The following CDK20 variants were observed in gnomAD, a reference collection of about 807,000 sequenced individuals.
CDK20 encodes cyclin dependent kinase 20, also known as cyclin-dependent kinase 20.
CDK20 carries 40 observed loss-of-function variants against 38.6 expected under a neutral mutation model. The ratio of observed to expected loss-of-function variants is 1.04; its 90% CI spans 0.81 to 1.35. The LOEUF is 1.35. CDK20 is among the 40% of genes most tolerant of loss of function. The pLI, the probability that CDK20 is intolerant of heterozygous loss-of-function variation, is 0.00. For synonymous variants in CDK20, 209 were observed against 185.7 expected (o/e 1.13, Z -1.02); for missense variants, 512 against 452.6 (o/e 1.13, Z -1.19).
chr9:87,973,799 G>T, intron 2 of CDK20, 123 bp downstream of exon 2: 1 of 1,002,058 alleles, frequency 1.0e-6, no homozygotes, highest in Non-Finnish European at 1.5e-6. Flanking sequence ...AGCAGTGTGT[G>T]TGAGTGACAG....
chr9:87,973,868 A>C, intron 2 of CDK20, 54 bp downstream of exon 2: 1 of 1,561,736 alleles, frequency 6.4e-7, no homozygotes, highest in Non-Finnish European at 8.7e-7. Context: ...GGCACAAAGA[A>C]GTGGGAACGA....
chr9:87,970,644 G>A lies in CDK20; in HGVS notation c.501-14C>T. On this transcript the variant is annotated splice_polypyrimidine_tract_variant and intron_variant, in intron 4 of 7. Transcript: ENST00000325303. ...GCTCGGTACCACCTGCGAGGAAGAG[G>A]GCTGGCAGGCACTGGGCTGAGAAAA... The A allele has an allele frequency of 6.2e-7, 1 of 1,614,014 alleles. No homozygotes were observed. The highest frequency in any genetic ancestry group is 8.5e-7 in the Non-Finnish European group (1 of 1,179,972).
At chr9:87,974,340 C>T in intron 1 of CDK20, 32 bp downstream of exon 1, 2 of 1,605,524 alleles carry the variant, frequency 1.2e-6, no homozygotes, top group Non-Finnish European at 1.7e-6. Context: ...GGGCACACCC[C>T]CGCCAGGCTG....
chr9:87,973,112 A>T (rs1171175849), intron 2 of CDK20, among the ~76,000 whole-genome samples: 1 of 152,348 alleles, frequency 6.6e-6, no homozygotes, highest in East Asian at 1.9e-4. Context: ...TTTGTCATCC[A>T]ATATATCATG....
chr9:87,973,993 A>C lies in CDK20; in HGVS notation c.118T>G (p.Leu40Val). 1.2e-6 allele frequency: 2 copies of C among 1,614,152 alleles called. No homozygotes were observed. Among genetic ancestry groups the C allele is most frequent in the Middle Eastern group, 1.6e-4 (1 of 6,062 alleles). ...GCCTGGTTAGGGAAGCCGTCCTCCA[A>C]CCGCCTTAGGGCCACCTTCTTGAGG... ...VALKKVALRRLEDGFPNQALR... is the reference protein window; with the variant it reads ...VALKKVALRRVEDGFPNQALR... Residue 40 changes from leucine (L) to valine (V), a missense_variant, in exon 2 of 8, where the codon TTG (leucine) becomes GTG (valine). Leu to Val is a conservative substitution (Grantham distance 32). Transcript: ENST00000325303.
At chr9:87,969,747 A>C in intron 6 of CDK20, 49 bp downstream of exon 6, 1 of 1,611,470 alleles carries the variant, frequency 6.2e-7, no homozygotes, top group Non-Finnish European at 8.5e-7. Context: ...TGCTGTTGGG[A>C]GTGGAGTAAA....
chr9:87,969,325 T>G lies in CDK20; in HGVS notation c.712A>C (p.Asn238His). ...WPELTELPDY[N>H]KISFKEQVPM... ...ACCTGCTCCTTAAAGGAGATCTTGT[T>G]GTAGTCCGGCAGCTCAGTGAGCTCC... The change falls in exon 7 of 8, where the codon AAC becomes CAC. Residue 238 changes from asparagine (N) to histidine (H), a missense_variant. By Grantham distance (68) the Asn-to-His change is moderately conservative. Coordinates refer to ENST00000325303, the MANE Select transcript of CDK20 (RefSeq NM_001039803.3). The G allele has an allele frequency of 1.2e-6, 2 of 1,613,956 alleles. No individual in the cohort carries two copies. The highest frequency in any genetic ancestry group is 1.1e-5 in the South Asian group (1 of 91,076).
At position 87,974,506 on chromosome 9, in the gene CDK20, T is replaced by A; in HGVS notation, c.-60A>T. 3 of 1,455,462 alleles carry A rather than the reference T, an allele frequency of 2.1e-6. No individual in the cohort carries two copies. The South Asian group carries it at 3.6e-5, about 17-fold the overall frequency. 90.2% of individuals were successfully genotyped at this position (1,455,462 alleles called of 1,614,324 possible). On this transcript the variant is annotated 5_prime_UTR_variant, in exon 1 of 8. Transcript: ENST00000325303. ...CTGAACTTCCAAACTCCACTTCTCC[T>A]CCACCCCACGCTGATCTGAGCTCGC...
chr9:87,971,958 C>T (rs1020553852), intron 2 of CDK20, among the ~76,000 whole-genome samples: 2 of 152,236 alleles, frequency 1.3e-5, no homozygotes, highest in Non-Finnish European at 2.9e-5. Context: ...AATCCCAGTA[C>T]TTTGAGAGGC....
intron 2 of CDK20, among the ~76,000 whole-genome samples, chr9:87,972,057 T>A (rs1031231255): frequency 6.6e-6 from 1 of 151,804 alleles, no homozygotes; most frequent in African/African-American, 2.4e-5. Context: ...TACAAAAAAC[T>A]AGCCAGGCAT....
chr9:87,970,760 A>T lies in CDK20; in HGVS notation c.500+16T>A, dbSNP rs562046260. ...TTCCCCATGGAGAAGACTGGAAGGG[A>T]TCTGGCCCTCCCTACCTGGTGGCCA... On this transcript the variant is annotated intron_variant, in intron 4 of 7. Transcript: ENST00000325303. 6.2e-7 allele frequency: 1 copy of T among 1,614,088 alleles called. No homozygotes were observed. Among genetic ancestry groups the T allele is most frequent in the Admixed American group, 1.7e-5 (1 of 60,026 alleles).
In CDK20 at chr9:87,971,309, T is replaced by C. The variant is rs1829845033; in HGVS notation, c.216A>G (p.Pro72=). 6.2e-7 allele frequency: 1 copy of C among 1,613,628 alleles called. No individual in the cohort carries two copies. Among genetic ancestry groups the C allele is most frequent in the Non-Finnish European group, 8.5e-7 (1 of 1,179,776 alleles). The change falls in exon 3 of 8, where the codon CCA becomes CCG. Residue 72 remains proline, a synonymous_variant. Transcript: ENST00000325303. Reference sequence around the variant, plus strand: ...AGGCCAGCACAAAGCCTCCACCGTGTGGGAACACAGCCTTCAGTTGTACCA... The same window carrying C: ...AGGCCAGCACAAAGCCTCCACCGTGCGGGAACACAGCCTTCAGTTGTACCA... ...QYVVQLKAVF[P]HGGGFVLAFE...
rs1829462981 is a variant in CDK20, at chr9:87,966,806, T to TAG, written c.*655_*656insCT. The stretch of plus-strand genomic sequence containing the variant: ...CCTAGACTTCTGTCTCCCTCACTTC[T>TAG]AAATGAGTGCTCAGTGATGTGAAGT... On this transcript the variant is annotated 3_prime_UTR_variant, in exon 8 of 8. Transcript: ENST00000325303. 1 of 349,632 alleles carries TAG rather than the reference T, an allele frequency of 2.9e-6. No individual in the cohort carries two copies. Among genetic ancestry groups the TAG allele is most frequent in the South Asian group, 2.2e-5 (1 of 45,234 alleles). The allele number at this position is 349,632 out of a possible 1,614,324, so 21.7% of individuals were successfully genotyped here.
At chr9:87,973,559 C>G (rs1051182359) in intron 2 of CDK20, among the ~76,000 whole-genome samples, 1 of 152,124 alleles carries the variant, frequency 6.6e-6, no homozygotes, top group Admixed American at 6.6e-5. Context: ...GTAAAGAGGT[C>G]TCAAAATGAC....
Position 87,974,036 on chromosome 9 carries a change from C to G in CDK20, c.76-1G>C, listed in dbSNP as rs777067247. The G allele has an allele frequency of 4.3e-5, 70 of 1,613,970 alleles. No individual in the cohort carries two copies. Among genetic ancestry groups the G allele is most frequent in the Non-Finnish European group, 5.7e-5 (67 of 1,180,050 alleles). On this transcript the variant is annotated splice_acceptor_variant, in intron 1 of 7. Coordinates refer to ENST00000325303, the MANE Select transcript of CDK20 (RefSeq NM_001039803.3). LOFTEE classifies it high-confidence loss of function. Reference sequence around the variant, plus strand: ...TCTTGAGGGCAACTATCTCGCCAGTCTGCAGGATAGAAGGCAGACACTGCC... The same window carrying G: ...TCTTGAGGGCAACTATCTCGCCAGTGTGCAGGATAGAAGGCAGACACTGCC...
rs1830069594 is a variant in CDK20, at chr9:87,974,207, C to T, written c.75+165G>A. On this transcript the variant is annotated intron_variant, in intron 1 of 7. Transcript: ENST00000325303. ...CCAGCCGCTGGGGTAGGGGACCAAG[C>T]CAGCTGTGCGGAGGGAAGCGCAACG... 4 of 1,301,942 alleles carry T rather than the reference C, an allele frequency of 3.1e-6. 1 individual carries two copies. Among genetic ancestry groups the T allele is most frequent in the Non-Finnish European group, 4.2e-6 (4 of 949,486 alleles). 80.6% of individuals were successfully genotyped at this position (1,301,942 alleles called of 1,614,324 possible). A position where few individuals can be genotyped will look rare whatever the true frequency, so the allele number is the denominator to read the frequency against.
chr9:87,969,171 G>A, intron 7 of CDK20, 23 bp downstream of exon 7: 1 of 1,611,794 alleles, frequency 6.2e-7, no homozygotes, highest in East Asian at 2.2e-5. Flanking sequence ...TGAAGGAGCA[G>A]AGACTACAGC....
intron 5 of CDK20, chr9:87,970,289 A>C: frequency 2.1e-6 from 1 of 479,140 alleles, no homozygotes; most frequent in East Asian, 3.2e-5. Context: ...CCTAGGATCT[A>C]ACTCCAGCAC....
chr9:87,969,393 G>A lies in CDK20; in HGVS notation c.688-44C>T, dbSNP rs181924064. 8.8e-5 allele frequency: 140 copies of A among 1,597,168 alleles called. 2 individuals are homozygous for A. The South Asian group carries it at 1.4e-3, about 15-fold the overall frequency. ...ACAGGGTACAATGAGAGTAGTTCCC[G>A]ACCCTTGCCATGCTCTCTGCTGTCA... On this transcript the variant is annotated intron_variant, in intron 6 of 7. Transcript: ENST00000325303.
Sources: gnomAD v4.1 joint callset for allele counts (sites outside exome capture counted in the v4.1 genomes callset) on GRCh38, gnomAD v4.1.1 for gene constraint, MANE v1.5 for transcripts, NCBI Gene and HGNC (gene_info 2026-07-23, HGNC 2026-07-21) for gene names.